SPAG16: variants seen among roughly 807,000 people sequenced by gnomAD.
SPAG16 encodes sperm-associated antigen 16 protein.
SPAG16 carries 86 observed loss-of-function variants against 80.4 expected under a neutral mutation model. That is an observed-to-expected ratio of 1.07 (90% confidence interval 0.90 to 1.28). The LOEUF is 1.28. Among genes scored for constraint, SPAG16 ranks in the 50% most tolerant of loss-of-function variants. SPAG16 has a pLI of 0.00. For missense variants in SPAG16, 870 were observed against 765.3 expected (o/e 1.14, Z -1.61); for synonymous variants, 294 against 265.9 (o/e 1.11, Z -1.03).
chr2:213,785,573 G>A (rs936698008), intron 10 of SPAG16, among the ~76,000 whole-genome samples: 1 of 152,056 alleles, frequency 6.6e-6, no homozygotes, highest in East Asian at 1.9e-4. Flanking sequence ...TATTTATTAG[G>A]TTCTAAACTA....
intron 15 of SPAG16, among the ~76,000 whole-genome samples, chr2:214,315,665 G>T (rs1048476607): frequency 1.3e-5 from 2 of 152,062 alleles, no homozygotes; most frequent in African/African-American, 4.8e-5. Flanking sequence ...CTGAGTGTCT[G>T]GGACTACAGG....
Position 213,757,130 on chromosome 2 carries a change from G to A in SPAG16, c.1071-105355G>A, listed in dbSNP as rs183179801. 4.1e-3 allele frequency among the ~76,000 whole-genome samples: 624 copies of A among 152,138 alleles called. 6 individuals carry two copies. The highest frequency in any genetic ancestry group is 0.014 in the African/African-American group (598 of 41,532). ...AATTTTTAAAAATTGGGTTAAAATA[G>A]CATCAAAAATACATAGAAATATAAA... On this transcript the variant is annotated intron_variant, in intron 10 of 15. Transcript: ENST00000331683.
chr2:214,096,704 G>T (rs2052615817), intron 13 of SPAG16, among the ~76,000 whole-genome samples: 1 of 152,054 alleles, frequency 6.6e-6, no homozygotes, highest in Non-Finnish European at 1.5e-5. Flanking sequence ...TAAAAATTTT[G>T]TAGAGGCAAG....
intron 13 of SPAG16, among the ~76,000 whole-genome samples, chr2:214,077,667 A>G (rs548701331): frequency 9.8e-5 from 15 of 152,296 alleles, no homozygotes; most frequent in South Asian, 6.2e-4. Flanking sequence ...ATTAAACACC[A>G]TGAAGGCGGG....
intron 13 of SPAG16, among the ~76,000 whole-genome samples, chr2:214,025,193 T>C (rs2048069321): frequency 6.6e-6 from 1 of 151,710 alleles, no homozygotes. Flanking sequence ...TCTCATGATT[T>C]GTAGTTCTGT....
chr2:213,458,508 G>A (rs150913757), intron 9 of SPAG16, among the ~76,000 whole-genome samples: 1,640 of 152,280 alleles, frequency 0.011, 30 homozygotes, highest in African/African-American at 0.037. Flanking sequence ...GGAGGCGGAC[G>A]TGGCAGTGAG....
At chr2:213,800,359 TCTCCCTC>T (rs2071317683) in intron 10 of SPAG16, among the ~76,000 whole-genome samples, 2 of 121,062 alleles carry the variant, frequency 1.7e-5, no homozygotes, top group South Asian at 6.3e-4. Context: ...TCTCTCCCTC[TCTCCCTC>T]TCTCCCTTTC....
intron 12 of SPAG16, among the ~76,000 whole-genome samples, chr2:213,975,186 A>G (rs1312701272): frequency 6.6e-6 from 1 of 151,128 alleles, no homozygotes; most frequent in Non-Finnish European, 1.5e-5. Flanking sequence ...ATATATTTAT[A>G]GAATATATAT....
At chr2:213,349,132 A>G (rs1484545446) in intron 6 of SPAG16, among the ~76,000 whole-genome samples, 2 of 152,196 alleles carry the variant, frequency 1.3e-5, no homozygotes, top group African/African-American at 4.8e-5. Context: ...CAAAGAAGAA[A>G]ATTACAGAAT....
chr2:213,925,360 T>G (rs1039897258), intron 11 of SPAG16, among the ~76,000 whole-genome samples: 1 of 151,518 alleles, frequency 6.6e-6, no homozygotes, highest in Non-Finnish European at 1.5e-5. Flanking sequence ...TCTTCCTTTT[T>G]TTTTTTTTTG....
At chr2:213,543,327 A>G (rs894480332) in intron 10 of SPAG16, among the ~76,000 whole-genome samples, 1 of 151,904 alleles carries the variant, frequency 6.6e-6, no homozygotes, top group East Asian at 1.9e-4. Flanking sequence ...TAAATTTTAT[A>G]TATTGATCCC....
At chr2:214,019,160 A>G (rs1327371807) in intron 13 of SPAG16, among the ~76,000 whole-genome samples, 1 of 152,198 alleles carries the variant, frequency 6.6e-6, no homozygotes, top group Non-Finnish European at 1.5e-5. Flanking sequence ...GAGAAATTAT[A>G]AGGCCTACCT....
chr2:213,576,972 T>TA (rs1250912363), intron 10 of SPAG16, among the ~76,000 whole-genome samples: 104 of 152,206 alleles, frequency 6.8e-4, no homozygotes, highest in African/African-American at 2.5e-3. Flanking sequence ...ATAGGTAAAC[T>TA]TGTGTACTGA....
At chr2:213,361,789 C>CACACACA (rs2065992118) in intron 7 of SPAG16, among the ~76,000 whole-genome samples, 1 of 140,002 alleles carries the variant, frequency 7.1e-6, no homozygotes. Flanking sequence ...ACTGATAATG[C>CACACACA]CACACACACA....
At chr2:213,326,094 A>G (rs1453196182) in intron 5 of SPAG16, among the ~76,000 whole-genome samples, 1 of 152,054 alleles carries the variant, frequency 6.6e-6, no homozygotes, top group African/African-American at 2.4e-5. Flanking sequence ...GTAAGGAAAT[A>G]TAATGCAGAC....
intron 15 of SPAG16, among the ~76,000 whole-genome samples, chr2:214,198,852 T>C (rs2057924454): frequency 6.6e-6 from 1 of 152,050 alleles, no homozygotes; most frequent in Non-Finnish European, 1.5e-5. Flanking sequence ...CCCTGATAAT[T>C]AGGGATATTG....
chr2:214,119,966 C>T (rs1460090234), intron 14 of SPAG16, among the ~76,000 whole-genome samples: 3 of 151,916 alleles, frequency 2.0e-5, no homozygotes, highest in Non-Finnish European at 1.5e-5. Flanking sequence ...TAATATCTTG[C>T]ATATTTAGCT....
chr2:214,215,420 C>T (rs940445565), intron 15 of SPAG16, among the ~76,000 whole-genome samples: 2 of 152,138 alleles, frequency 1.3e-5, no homozygotes, highest in Non-Finnish European at 2.9e-5. Flanking sequence ...TCCATTTCCC[C>T]ACACTGCTTC....
intron 10 of SPAG16, among the ~76,000 whole-genome samples, chr2:213,687,509 A>G (rs2064740052): frequency 6.6e-6 from 1 of 152,116 alleles, no homozygotes; most frequent in Non-Finnish European, 1.5e-5. Context: ...GCATTTTTTA[A>G]ATGATATTCT....
Sources: gnomAD v4.1 joint callset for allele counts (sites outside exome capture counted in the v4.1 genomes callset) on GRCh38, gnomAD v4.1.1 for gene constraint, MANE v1.5 for transcripts, NCBI Gene and HGNC (gene_info 2026-07-23, HGNC 2026-07-21) for gene names.